Variants in ACADSB observed in about 807,000 individuals in gnomAD.
ACADSB encodes the protein acyl-CoA dehydrogenase short/branched chain, also known as short/branched chain specific acyl-CoA dehydrogenase, mitochondrial.
ACADSB carries 40 observed loss-of-function variants against 54.1 expected under a neutral mutation model. The ratio of observed to expected loss-of-function variants is 0.74; its 90% confidence interval spans 0.57 to 0.96. The LOEUF (loss-of-function observed/expected upper bound fraction) is 0.96. Ranked by LOEUF, ACADSB falls within the 40% of genes least tolerant of loss-of-function variation. The pLI is 0.00. For synonymous variants in ACADSB, 182 were observed against 182.8 expected (o/e 1.00, Z 0.03); for missense variants, 530 against 510.4 (o/e 1.04, Z -0.37).
Position 123,054,048 on chromosome 10 carries a change from A to C in ACADSB, c.*283A>C. ...TATACGCATACATATATATATTTTTACTCTGTCTTACTCTGTCACCCAGGC... is the reference window on the plus strand; with the variant it reads ...TATACGCATACATATATATATTTTTCCTCTGTCTTACTCTGTCACCCAGGC... On this transcript the variant is annotated 3_prime_UTR_variant, in exon 11 of 11. Transcript: ENST00000358776. 2.4e-6 allele frequency: 1 copy of C among 423,818 alleles called. No individual in the cohort carries two copies. The highest frequency in any genetic ancestry group is 4.3e-6 in the Non-Finnish European group (1 of 229,982). 26.3% of individuals were successfully genotyped at this position (423,818 alleles called of 1,614,324 possible).
In ACADSB at chr10:123,009,043, C is replaced by T. The variant is rs376265483; in HGVS notation, c.14C>T (p.Ala5Val). 1.9e-5 allele frequency: 30 copies of T among 1,547,892 alleles called. No homozygotes were observed. Among genetic ancestry groups the T allele is most frequent in the African/African-American group, 1.6e-4 (12 of 73,038 alleles). MEGL[A>V]VRLLRGSRLL... The stretch of plus-strand genomic sequence containing the variant: ...CCTGCGGCGAGGATGGAGGGCCTGG[C>T]AGTGCGGTTGCTGCGCGGCAGCAGG... The change falls in exon 1 of 11, where the codon GCA becomes GTA. Residue 5 changes from alanine to valine, a missense_variant. Ala to Val is a moderately conservative substitution (Grantham distance 64). Transcript: ENST00000358776.
At chr10:123,039,963 C>T (rs924467347) in intron 3 of ACADSB, among the ~76,000 whole-genome samples, 2 of 152,108 alleles carry the variant, frequency 1.3e-5, no homozygotes, top group Non-Finnish European at 1.5e-5. Context: ...TTCAAATATA[C>T]AGTTTCTGTT....
chr10:123,027,032 TAGATTATTACTTGAACTCTAATAAGTTCA>T (rs928775636), intron 1 of ACADSB, among the ~76,000 whole-genome samples: 7 of 152,184 alleles, frequency 4.6e-5, no homozygotes, highest in African/African-American at 9.6e-5. Context: ...GGCACGTTCA[TAGATTATTACTTGAACTCTAATAAGTTCA>T]AGATTATTAC....
chr10:123,036,865 G>A (rs370164730), intron 2 of ACADSB, among the ~76,000 whole-genome samples: 9 of 152,200 alleles, frequency 5.9e-5, no homozygotes, highest in South Asian at 2.1e-4. Flanking sequence ...AATGAGAGTC[G>A]CGTGTGCAGA....
chr10:123,043,014 A>G (rs766991428), intron 5 of ACADSB, 32 bp from the exon 6 acceptor site: 1 of 1,610,238 alleles, frequency 6.2e-7, no homozygotes, highest in South Asian at 1.1e-5. Flanking sequence ...TATAAATCCA[A>G]GTGGTAATAG....
At chr10:123,024,286 G>C (rs1325382205) in intron 1 of ACADSB, among the ~76,000 whole-genome samples, 1 of 152,198 alleles carries the variant, frequency 6.6e-6, no homozygotes, top group East Asian at 1.9e-4. Flanking sequence ...AAACATGTTC[G>C]AGTTCTCTCC....
intron 1 of ACADSB, among the ~76,000 whole-genome samples, chr10:123,029,417 C>T (rs899484793): frequency 2.0e-5 from 3 of 151,974 alleles, no homozygotes; most frequent in African/African-American, 7.2e-5. Flanking sequence ...CCACCCTCTC[C>T]TCAGATACAA....
In ACADSB at chr10:123,040,642, C is replaced by A. The variant is rs1489128690; in HGVS notation, c.480C>A (p.Ala160=). The A allele has an allele frequency of 1.2e-6, 2 of 1,613,928 alleles. No individual in the cohort carries two copies. Among genetic ancestry groups the A allele is most frequent in the Non-Finnish European group, 1.7e-6 (2 of 1,179,906 alleles). ...AACATGGAACAGAAGAACAAAAGGC[C>A]ACCTATTTGCCTCAGCTCACTACAG... ...IRKHGTEEQK[A]TYLPQLTTEK... Residue 160 remains alanine, a synonymous_variant, in exon 4 of 11, where the codon GCC becomes GCA. Coordinates refer to ENST00000358776, the MANE Select transcript of ACADSB (RefSeq NM_001609.4).
chr10:123,037,912 A>G lies in ACADSB; in HGVS notation c.303+65A>G, dbSNP rs961537241. 4.3e-6 allele frequency: 5 copies of G among 1,154,072 alleles called. No individual in the cohort carries two copies. In the African/African-American group the frequency reaches 6.1e-5, roughly 14 times the overall value. 71.5% of individuals were successfully genotyped at this position (1,154,072 alleles called of 1,614,324 possible). ...TAAATTCAGGGACTGTAATGATAGC[A>G]TAATGAACCCTGCATTTCCCAGTCA... On this transcript the variant is annotated intron_variant, in intron 3 of 10. Coordinates refer to ENST00000358776, the MANE Select transcript of ACADSB (RefSeq NM_001609.4).
Sources: gnomAD v4.1 joint callset for allele counts (sites outside exome capture counted in the v4.1 genomes callset) on GRCh38, gnomAD v4.1.1 for gene constraint, MANE v1.5 for transcripts, NCBI Gene and HGNC (gene_info 2026-07-23, HGNC 2026-07-21) for gene names.